Variants in C1orf146 observed in about 807,000 individuals in gnomAD.
C1orf146 encodes the protein chromosome 1 open reading frame 146.
In C1orf146, 22 loss-of-function variants were observed where a neutral mutation model predicts 23.0. The observed-to-expected ratio is 0.96, with a 90% confidence interval of 0.68 to 1.36. The LOEUF (loss-of-function observed/expected upper bound fraction) is 1.36, where lower values mean the gene tolerates loss of function less well. Among genes scored for constraint, C1orf146 ranks in the 40% most tolerant of loss-of-function variants. C1orf146 has a pLI of 0.00. For synonymous variants in C1orf146, 59 were observed against 65.3 expected, an observed-to-expected ratio of 0.90 and a Z score of 0.47; for missense variants, 199 against 206.8, an observed-to-expected ratio of 0.96 and a Z score of 0.23.
rs116246273 is a variant in C1orf146, at chr1:92,228,313, G to A, written c.-39-3069G>A. Among the ~76,000 whole-genome samples, 1,409 of 152,208 alleles carry A rather than the reference G, an allele frequency of 9.3e-3. 20 individuals carry two copies. Among genetic ancestry groups the A allele is most frequent in the African/African-American group, 0.032 (1,348 of 41,518 alleles). On this transcript the variant is annotated intron_variant, in intron 1 of 5. Transcript: ENST00000370375. The stretch of plus-strand genomic sequence containing the variant: ...AATTAATCATTTATAGTCTGGATAT[G>A]ACAATGCCAGTATTTCAGTCTCCCC...
At chr1:92,231,000 T>C (rs35380288) in intron 1 of C1orf146, among the ~76,000 whole-genome samples, 1 of 152,192 alleles carries the variant, frequency 6.6e-6, no homozygotes, top group Non-Finnish European at 1.5e-5. Flanking sequence ...AATGGTGCTG[T>C]GGCTATACTG....
At chr1:92,244,689 A>T (rs1652533092) in intron 4 of C1orf146, 90 bp from the exon 5 acceptor site, 2 of 855,578 alleles carry the variant, frequency 2.3e-6, no homozygotes, top group Non-Finnish European at 1.9e-6. Context: ...ACAAATAACA[A>T]ACAATAGAGA....
At chr1:92,242,365 A>G in intron 3 of C1orf146, 60 bp downstream of exon 3, 2 of 906,748 alleles carry the variant, frequency 2.2e-6, no homozygotes, top group Admixed American at 2.2e-5. Flanking sequence ...ATAAATTCTA[A>G]TGACTTCATA....
Position 92,240,180 on chromosome 1 carries a change from C to T in C1orf146, c.67-2032C>T, listed in dbSNP as rs1652396771. ...AATGGTTTGAAGCTGGGCTATAGTC[C>T]CTGTGAGAGCTGTTCTATTTTCGTC... On this transcript the variant is annotated intron_variant, in intron 2 of 5. Transcript: ENST00000370375. 2.6e-5 allele frequency among the ~76,000 whole-genome samples: 4 copies of T among 152,294 alleles called. No individual in the cohort carries two copies. The South Asian group carries it at 8.3e-4, about 32-fold the overall frequency.
intron 1 of C1orf146, among the ~76,000 whole-genome samples, chr1:92,226,054 A>G (rs1280408678): frequency 6.6e-6 from 1 of 152,214 alleles, no homozygotes. Context: ...AATACATTTT[A>G]AAATGTACAA....
intron 3 of C1orf146, among the ~76,000 whole-genome samples, chr1:92,243,862 A>G (rs991984761): frequency 2.6e-4 from 40 of 152,306 alleles, no homozygotes; most frequent in African/African-American, 9.4e-4. Context: ...ACATATTTTA[A>G]AAGTATAACA....
At chr1:92,235,769 A>ACTTG (rs2100741939) in intron 2 of C1orf146, among the ~76,000 whole-genome samples, 1 of 152,102 alleles carries the variant, frequency 6.6e-6, no homozygotes, top group African/African-American at 2.4e-5. Flanking sequence ...GTCACTCAGG[A>ACTTG]CTTGCTTTAT....
rs374034225 is a variant in C1orf146 at position 92,245,535 on chromosome 1, T to G, written c.409-5T>G. The stretch of plus-strand genomic sequence containing the variant: ...ATAATGCTGCATCTTTATATCTTCT[T>G]CCAGACTACCTCCAAACCATACATA... On this transcript the variant is annotated splice_region_variant and splice_polypyrimidine_tract_variant and intron_variant, in intron 5 of 5. Coordinates refer to ENST00000370375, the MANE Select transcript of C1orf146 (RefSeq NM_001012425.2). 55 of 1,586,106 alleles carry G rather than the reference T, an allele frequency of 3.5e-5. No individual in the cohort carries two copies. Among genetic ancestry groups the G allele is most frequent in the Non-Finnish European group, 4.4e-5 (52 of 1,168,972 alleles).
At chr1:92,219,136 T>C (rs1355975551) in intron 1 of C1orf146, among the ~76,000 whole-genome samples, 2 of 152,240 alleles carry the variant, frequency 1.3e-5, no homozygotes, top group African/African-American at 4.8e-5. Flanking sequence ...CAAAAAGTTC[T>C]TGTAACCTTT....
intron 1 of C1orf146, among the ~76,000 whole-genome samples, chr1:92,225,360 G>T (rs1570786533): frequency 1.3e-5 from 2 of 152,144 alleles, no homozygotes; most frequent in Admixed American, 6.5e-5. Context: ...ACTGGCCTTG[G>T]CTCCCCAAAG....
intron 2 of C1orf146, among the ~76,000 whole-genome samples, chr1:92,239,736 G>T (rs1209468641): frequency 6.6e-6 from 1 of 151,490 alleles, no homozygotes; most frequent in South Asian, 2.1e-4. Context: ...GGGTGACAGA[G>T]TGAGACCCTG....
At chr1:92,222,807 T>C (rs112013557) in intron 1 of C1orf146, among the ~76,000 whole-genome samples, 1,640 of 152,034 alleles carry the variant, frequency 0.011, 33 homozygotes, top group African/African-American at 0.037. Context: ...AGGATGGTCT[T>C]AATCTCCTGA....
At chr1:92,235,205 G>A (rs1162494089) in intron 2 of C1orf146, among the ~76,000 whole-genome samples, 2 of 151,896 alleles carry the variant, frequency 1.3e-5, no homozygotes, top group South Asian at 2.1e-4. Context: ...TGATGTTAGG[G>A]TGTCAGTTTT....
chr1:92,230,853 G>A (rs950979394), intron 1 of C1orf146, among the ~76,000 whole-genome samples: 18 of 152,134 alleles, frequency 1.2e-4, no homozygotes, highest in African/African-American at 4.3e-4. Context: ...GTAGAAGACA[G>A]GTTTGCTTAC....
chr1:92,226,504 G>A (rs1442108704), intron 1 of C1orf146, among the ~76,000 whole-genome samples: 3 of 151,958 alleles, frequency 2.0e-5, no homozygotes, highest in Non-Finnish European at 2.9e-5. Context: ...AGGAAAATAC[G>A]TATTTATTTA....
At chr1:92,241,226 AT>A (rs1553131154) in intron 2 of C1orf146, among the ~76,000 whole-genome samples, 1 of 134,930 alleles carries the variant, frequency 7.4e-6, no homozygotes, top group Non-Finnish European at 1.6e-5. Context: ...TATTATTATT[AT>A]TTGAGACAGG....
chr1:92,238,372 C>G (rs1483682462), intron 2 of C1orf146, among the ~76,000 whole-genome samples: 3 of 152,126 alleles, frequency 2.0e-5, no homozygotes, highest in Non-Finnish European at 4.4e-5. Flanking sequence ...TTTTACTGCA[C>G]TATTATTCAG....
At chr1:92,237,289 G>T (rs1327554468) in intron 2 of C1orf146, among the ~76,000 whole-genome samples, 1 of 152,036 alleles carries the variant, frequency 6.6e-6, no homozygotes, top group Non-Finnish European at 1.5e-5. Context: ...TTTTTGGTGT[G>T]GATGTCCTTT....
chr1:92,240,602 G>T (rs1322177389), intron 2 of C1orf146: 1 of 154,390 alleles, frequency 6.5e-6, no homozygotes, highest in African/African-American at 2.4e-5. Flanking sequence ...ATGTTCTGAG[G>T]CAAAACAGAA....
Sources: allele counts gnomAD v4.1 joint callset (sites outside exome capture counted in the v4.1 genomes callset), GRCh38; gene constraint gnomAD v4.1.1; transcripts MANE v1.5; gene names NCBI Gene and HGNC (gene_info 2026-07-23, HGNC 2026-07-21).